RBFOX1: variants seen among roughly 807,000 people sequenced by gnomAD.
RBFOX1 encodes the protein RNA binding fox-1 homolog 1, also known as RNA binding protein fox-1 homolog 1.
Under a neutral mutation model 57.7 loss-of-function variants are expected in RBFOX1, and 8 were observed. That is an observed-to-expected ratio of 0.14 (90% CI 0.08 to 0.25). The LOEUF (loss-of-function observed/expected upper bound fraction) is 0.25, where lower values mean the gene tolerates loss of function less well. RBFOX1 is among the 10% of genes least tolerant of loss of function. The pLI is 1.00. For synonymous variants in RBFOX1, 326 were observed against 222.4 expected, an observed-to-expected ratio of 1.47 and a Z score of -4.15; for missense variants, 611 against 548.5, an observed-to-expected ratio of 1.11 and a Z score of -1.14.
At chr16:7,600,088 C>T (rs972103051) in intron 9 of RBFOX1, among the ~76,000 whole-genome samples, 3 of 152,164 alleles carry the variant, frequency 2.0e-5, no homozygotes, top group African/African-American at 7.2e-5. Flanking sequence ...ACCTCGTGTT[C>T]CTGCCAGATT....
In RBFOX1 at chr16:5,347,194, A is replaced by G. The variant is rs567945771; in HGVS notation, c.219+107089A>G. Reference sequence around the variant, plus strand: ...AATATTTCTTGTCATCTTATATACTATATGTTTTCCTTATTTATTATTGCA... The same window carrying G: ...AATATTTCTTGTCATCTTATATACTGTATGTTTTCCTTATTTATTATTGCA... On this transcript the variant is annotated intron_variant, in intron 1 of 2. Transcript: ENST00000585867. Among the ~76,000 whole-genome samples the G allele has an allele frequency of 3.3e-5, 5 of 152,214 alleles. No individual in the cohort carries two copies. In the South Asian group the frequency reaches 6.2e-4, roughly 19 times the overall value.
intron 3 of RBFOX1, among the ~76,000 whole-genome samples, chr16:6,782,221 G>C (rs2081148568): frequency 6.6e-6 from 1 of 152,172 alleles, no homozygotes; most frequent in South Asian, 2.1e-4. Context: ...TGGCCAGGGT[G>C]ATCTCTGTCT....
At chr16:6,807,108 A>G (rs1382968131) in intron 3 of RBFOX1, among the ~76,000 whole-genome samples, 1 of 151,862 alleles carries the variant, frequency 6.6e-6, no homozygotes, top group African/African-American at 2.4e-5. Flanking sequence ...TGCTGGGATT[A>G]CAGGTGTAAG....
At chr16:7,210,437 T>A (rs982677004) in intron 4 of RBFOX1, among the ~76,000 whole-genome samples, 1 of 152,086 alleles carries the variant, frequency 6.6e-6, no homozygotes, top group Non-Finnish European at 1.5e-5. Context: ...TGCACTACAC[T>A]CACCAAGATT....
intron 4 of RBFOX1, among the ~76,000 whole-genome samples, chr16:7,225,329 G>A (rs187774313): frequency 2.0e-5 from 3 of 152,022 alleles, no homozygotes; most frequent in Non-Finnish European, 2.9e-5. Context: ...CATGGGGGCT[G>A]TTTTCCCCAT....
chr16:6,776,765 T>C lies in RBFOX1; in HGVS notation c.-16+122115T>C, dbSNP rs1208750738. The stretch of plus-strand genomic sequence containing the variant: ...TAGGTGCTAAACTTTTCTGCACTAA[T>C]GCAATCAAATTAGAAGTTAAATCTG... On this transcript the variant is annotated intron_variant, in intron 3 of 15. Coordinates refer to ENST00000550418, the MANE Select transcript of RBFOX1 (RefSeq NM_018723.4). Among the ~76,000 whole-genome samples, 3 of 152,240 alleles carry C rather than the reference T, an allele frequency of 2.0e-5. No homozygotes were observed. The East Asian group carries it at 5.8e-4, about 29-fold the overall frequency.
intron 4 of RBFOX1, among the ~76,000 whole-genome samples, chr16:7,062,893 A>AT (rs1170936027): frequency 0.026 from 1,216 of 46,970 alleles, 110 homozygotes; most frequent in Middle Eastern, 0.054. Context: ...AATGATCGCC[A>AT]TTTTTTTTTT....
Position 5,667,617 on chromosome 16 carries a change from C to T in RBFOX1, c.318+68656C>T, listed in dbSNP as rs1047077879. On this transcript the variant is annotated intron_variant, in intron 3 of 19. Transcript: ENST00000641259. ...ATTCTATGTATCTTGCTTGTATATT[C>T]GGGTTGAACAAACTCTCTTTGGATT... 5.3e-5 allele frequency among the ~76,000 whole-genome samples: 8 copies of T among 152,266 alleles called. No homozygotes were observed. The South Asian group carries it at 8.3e-4, about 16-fold the overall frequency.
chr16:6,290,504 C>T (rs936076294), intron 1 of RBFOX1, among the ~76,000 whole-genome samples: 6 of 150,788 alleles, frequency 4.0e-5, no homozygotes, highest in Non-Finnish European at 4.4e-5. Context: ...TAAGCAGCAA[C>T]GTAGATTGTC....
chr16:5,296,837 C>G (rs1173963289), intron 1 of RBFOX1, among the ~76,000 whole-genome samples: 3 of 151,986 alleles, frequency 2.0e-5, no homozygotes, highest in African/African-American at 7.3e-5. Flanking sequence ...CACCACCACG[C>G]CCAGCTAATT....
intron 4 of RBFOX1, among the ~76,000 whole-genome samples, chr16:7,276,040 T>C (rs915374826): frequency 3.3e-5 from 5 of 152,212 alleles, no homozygotes; most frequent in Non-Finnish European, 7.3e-5. Context: ...ATAGAGATCA[T>C]TTCTGATTGA....
In RBFOX1 at chr16:7,713,152, G is replaced by A. The variant is rs1026157739; in HGVS notation, c.*2407G>A. The A allele has an allele frequency of 3.3e-5, 5 of 152,038 alleles. No individual in the cohort carries two copies. The highest frequency in any genetic ancestry group is 2.0e-4 in the Admixed American group (3 of 15,260). 9.4% of individuals were successfully genotyped at this position (152,038 alleles called of 1,614,324 possible). On this transcript the variant is annotated 3_prime_UTR_variant, in exon 16 of 16. Coordinates refer to ENST00000550418, the MANE Select transcript of RBFOX1 (RefSeq NM_018723.4). ...TTATCTAAATAACTATTGCTATTAT[G>A]AATTATGGAAAATTAATATTATGTG...
chr16:5,313,737 G>A (rs913228163), intron 1 of RBFOX1, among the ~76,000 whole-genome samples: 2 of 152,104 alleles, frequency 1.3e-5, no homozygotes, highest in Admixed American at 6.5e-5. Flanking sequence ...TCACTATTGC[G>A]AGAACAGCAT....
chr16:7,152,477 A>T (rs1262838812), intron 4 of RBFOX1, among the ~76,000 whole-genome samples: 1 of 152,196 alleles, frequency 6.6e-6, no homozygotes, highest in Non-Finnish European at 1.5e-5. Context: ...TAAAGATTTT[A>T]TTTCAACTAG....
chr16:7,594,598 T>C (rs745943725), intron 7 of RBFOX1, among the ~76,000 whole-genome samples: 2 of 152,208 alleles, frequency 1.3e-5, no homozygotes, highest in Non-Finnish European at 2.9e-5. Context: ...GGCTGAAATA[T>C]TAAAAGCCAA....
intron 3 of RBFOX1, among the ~76,000 whole-genome samples, chr16:6,861,276 A>C (rs1356891455): frequency 6.6e-6 from 1 of 152,140 alleles, no homozygotes; most frequent in Non-Finnish European, 1.5e-5. Context: ...AGTCTTTGCA[A>C]AAGGGTTTTA....
At chr16:6,331,375 A>G (rs1224530700) in intron 2 of RBFOX1, among the ~76,000 whole-genome samples, 1 of 151,944 alleles carries the variant, frequency 6.6e-6, no homozygotes, top group Non-Finnish European at 1.5e-5. Context: ...TGAGCCCGGG[A>G]GGTGGAGGTT....
At chr16:5,935,653 C>G (rs1436228803) in intron 4 of RBFOX1, among the ~76,000 whole-genome samples, 1 of 152,130 alleles carries the variant, frequency 6.6e-6, no homozygotes, top group African/African-American at 2.4e-5. Flanking sequence ...AATTAGCTGA[C>G]CCTAGGAAGG....
At chr16:6,045,726 A>G (rs754713198) in intron 1 of RBFOX1, among the ~76,000 whole-genome samples, 34 of 152,362 alleles carry the variant, frequency 2.2e-4, no homozygotes, top group Middle Eastern at 3.4e-3. Context: ...TGTACCATCA[A>G]TGAAATCAAG....
Sources: allele counts gnomAD v4.1 joint callset (sites outside exome capture counted in the v4.1 genomes callset), GRCh38; gene constraint gnomAD v4.1.1; transcripts MANE v1.5; gene names NCBI Gene and HGNC (gene_info 2026-07-23, HGNC 2026-07-21).